The following DHX15 variants were observed in gnomAD, a reference collection of about 807,000 sequenced individuals.
The protein encoded by DHX15 is ATP-dependent RNA helicase DHX15.
DHX15 carries 11 observed loss-of-function variants against 94.4 expected under a neutral mutation model. The ratio of observed to expected loss-of-function variants is 0.12; its 90% CI spans 0.07 to 0.19. DHX15 has a LOEUF of 0.19. Ranked by LOEUF, DHX15 falls within the 10% of genes least tolerant of loss-of-function variation. The pLI is 1.00. For missense variants in DHX15, 304 were observed against 988.5 expected (o/e 0.31, Z 9.29); for synonymous variants, 338 against 329.9 (o/e 1.02, Z -0.27).
intron 9 of DHX15, 107 bp downstream of exon 9, chr4:24,540,733 G>GA (rs1721292257): frequency 1.6e-6 from 1 of 625,708 alleles, no homozygotes; most frequent in South Asian, 2.5e-5. Context: ...ATACTGGATG[G>GA]AAAAAGCAAA....
At chr4:24,555,901 C>G (rs969180789) in intron 4 of DHX15, among the ~76,000 whole-genome samples, 7 of 150,394 alleles carry the variant, frequency 4.7e-5, no homozygotes, top group African/African-American at 1.8e-4. Flanking sequence ...TGTGATGAGA[C>G]AAGGACATGG....
At chr4:24,552,270 ATTT>A (rs1226803762) in intron 5 of DHX15, among the ~76,000 whole-genome samples, 1 of 152,338 alleles carries the variant, frequency 6.6e-6, no homozygotes, top group Non-Finnish European at 1.5e-5. Context: ...TTGAGAAAAG[ATTT>A]TTAACTCCAA....
chr4:24,562,607 G>A (rs1324743366), intron 3 of DHX15, among the ~76,000 whole-genome samples: 3 of 152,078 alleles, frequency 2.0e-5, no homozygotes, highest in Non-Finnish European at 4.4e-5. Flanking sequence ...TTCAATAAAC[G>A]GTTCTATACC....
At position 24,584,538 on chromosome 4, in the gene DHX15, A is replaced by C; in HGVS notation, c.-145T>G. The C allele has an allele frequency of 3.5e-5, 26 of 743,296 alleles. No homozygotes were observed. Among genetic ancestry groups the C allele is most frequent in the East Asian group, 7.1e-5 (2 of 28,076 alleles). The allele number at this position is 743,296 out of a possible 1,614,324, so 46.0% of individuals were successfully genotyped here. On this transcript the variant is annotated 5_prime_UTR_variant, in exon 1 of 14. Transcript: ENST00000336812. ...GGTGCGGCCGGAACCAACAGCTAAAATGGCGGCGGCGACGAGGGCTGGGCC... is the reference window on the plus strand; with the variant it reads ...GGTGCGGCCGGAACCAACAGCTAAACTGGCGGCGGCGACGAGGGCTGGGCC...
intron 3 of DHX15, among the ~76,000 whole-genome samples, chr4:24,567,024 G>A (rs952827820): frequency 2.6e-5 from 4 of 151,966 alleles, no homozygotes; most frequent in Admixed American, 1.3e-4. Context: ...CACATAGAAG[G>A]TACTTAACTA....
chr4:24,548,808 TA>T (rs1560766396), intron 6 of DHX15, 46 bp downstream of exon 6: 2 of 1,550,154 alleles, frequency 1.3e-6, no homozygotes, highest in Non-Finnish European at 1.8e-6. Flanking sequence ...TTATATCTCA[TA>T]AATCATTATT....
intron 5 of DHX15, among the ~76,000 whole-genome samples, chr4:24,553,273 A>G (rs1721652416): frequency 6.6e-6 from 1 of 152,166 alleles, no homozygotes; most frequent in Non-Finnish European, 1.5e-5. Context: ...GTGAGCCGAG[A>G]TCGCGCCACT....
intron 2 of DHX15, 58 bp downstream of exon 2, chr4:24,576,185 C>A: frequency 7.3e-7 from 1 of 1,376,792 alleles, no homozygotes; most frequent in Non-Finnish European, 1.0e-6. Context: ...ATCAAATATG[C>A]AACATTTGGT....
chr4:24,561,211 T>C (rs1721867478), intron 3 of DHX15, among the ~76,000 whole-genome samples: 1 of 152,194 alleles, frequency 6.6e-6, no homozygotes, highest in Non-Finnish European at 1.5e-5. Flanking sequence ...TTAAGTAAAC[T>C]AAGGTACAAT....
At chr4:24,548,310 T>C (rs1721502841) in intron 6 of DHX15, among the ~76,000 whole-genome samples, 1 of 151,614 alleles carries the variant, frequency 6.6e-6, no homozygotes, top group Admixed American at 6.6e-5. Flanking sequence ...GCCCGGCTAA[T>C]TTTTTTGTAT....
At chr4:24,553,755 T>C (rs1721661562) in intron 5 of DHX15, among the ~76,000 whole-genome samples, 1 of 151,928 alleles carries the variant, frequency 6.6e-6, no homozygotes, top group African/African-American at 2.4e-5. Context: ...TCCAGCCTGG[T>C]TGACAGAGCG....
At position 24,548,895 on chromosome 4, in the gene DHX15, G is replaced by C. The variant is rs1201563394; in HGVS notation, c.1208C>G (p.Pro403Arg). Residue 403 changes from proline to arginine, a missense_variant, in exon 6 of 14, where the codon CCT becomes CGT. Physicochemically the swap from Pro to Arg is moderately radical, Grantham distance 103. Transcript: ENST00000336812. ...TCCATTCTGTTTTTTGGGAGGTGGA[G>C]GCTCAAAAATGCGTTGCTGCTGCTG... ...PPQQQQRIFE[P>R]PPPKKQNGAI... The C allele has an allele frequency of 6.2e-7, 1 of 1,613,254 alleles. No homozygotes were observed.
intron 2 of DHX15, among the ~76,000 whole-genome samples, chr4:24,575,263 T>G: frequency 6.6e-6 from 1 of 152,322 alleles, no homozygotes; most frequent in Non-Finnish European, 1.5e-5. Context: ...TCCATGCACA[T>G]GTAACTTTAG....
chr4:24,554,196 C>T (rs1367424414), intron 5 of DHX15, among the ~76,000 whole-genome samples: 6 of 151,746 alleles, frequency 4.0e-5, no homozygotes, highest in African/African-American at 1.2e-4. Context: ...ACAGCCTGGG[C>T]GACAGCGCAA....
In DHX15 at chr4:24,565,072, A is replaced by G. The variant is rs536051891; in HGVS notation, c.701+5582T>C. Among the ~76,000 whole-genome samples the G allele has an allele frequency of 3.9e-5, 6 of 152,354 alleles. No individual in the cohort carries two copies. In the East Asian group the frequency reaches 7.7e-4, roughly 20 times the overall value. On this transcript the variant is annotated intron_variant, in intron 3 of 13. Coordinates refer to ENST00000336812, the MANE Select transcript of DHX15 (RefSeq NM_001358.3). ...CTAAAAATATATTGCCTATTCCTCA[A>G]ATTTTCACAAGTTTTAAAGGGAATA...
At chr4:24,548,732 T>A in intron 6 of DHX15, 123 bp downstream of exon 6, 2 of 914,030 alleles carry the variant, frequency 2.2e-6, no homozygotes, top group South Asian at 2.3e-5. Flanking sequence ...CAAATGGATA[T>A]TATTTTGTTG....
chr4:24,565,790 T>G (rs541682878), intron 3 of DHX15, among the ~76,000 whole-genome samples: 1 of 152,326 alleles, frequency 6.6e-6, no homozygotes, highest in Admixed American at 6.5e-5. Context: ...CAATGCTGAC[T>G]GATGCACCCC....
At chr4:24,529,502 T>A in intron 13 of DHX15, 99 bp downstream of exon 13, 2 of 1,007,976 alleles carry the variant, frequency 2.0e-6, no homozygotes, top group Non-Finnish European at 3.0e-6. Context: ...AAATATAAAT[T>A]CTCAATGAGT....
At chr4:24,531,212 C>T (rs1203195743) in intron 12 of DHX15, among the ~76,000 whole-genome samples, 1 of 152,046 alleles carries the variant, frequency 6.6e-6, no homozygotes, top group Non-Finnish European at 1.5e-5. Context: ...CCTCAGCCTC[C>T]CGAGTAGCTG....
Sources: allele counts gnomAD v4.1 joint callset (sites outside exome capture counted in the v4.1 genomes callset), GRCh38; gene constraint gnomAD v4.1.1; transcripts MANE v1.5; gene names NCBI Gene and HGNC (gene_info 2026-07-23, HGNC 2026-07-21).